Variants in TSLP observed in about 807,000 individuals in gnomAD.
The protein encoded by TSLP is thymic stroma-derived lymphopoietin.
Under a neutral mutation model 12.4 loss-of-function variants are expected in TSLP, and 12 were observed. The ratio of observed to expected loss-of-function variants is 0.97; its 90% CI spans 0.62 to 1.57. The LOEUF (loss-of-function observed/expected upper bound fraction) is 1.57. Ranked by LOEUF, TSLP falls within the 40% of genes most tolerant of loss-of-function variation. The probability of loss-of-function intolerance (pLI) is 0.00; values close to 1 mark genes in which losing one functional copy is unlikely to be tolerated. For synonymous variants in TSLP, 97 were observed against 69.5 expected, an observed-to-expected ratio of 1.40 and a Z score of -1.97; for missense variants, 222 against 189.6, an observed-to-expected ratio of 1.17 and a Z score of -1.00.
rs1275574034 is a variant in TSLP, at chr5:111,071,937, A to G, written c.47A>G (p.Lys16Arg). Residue 16 changes from lysine to arginine, a missense_variant, in exon 1 of 4, where the codon AAA becomes AGA. Physicochemically the swap from Lys to Arg is conservative, Grantham distance 26. Transcript: ENST00000344895. ...TATGTTCTGTCAGTTTCTTTCAGGAAAATCTTCATCTTACAACTTGTAGGG... is the reference window on the plus strand; with the variant it reads ...TATGTTCTGTCAGTTTCTTTCAGGAGAATCTTCATCTTACAACTTGTAGGG... ...LLYVLSVSFR[K>R]IFILQLVGLV... is the part of the protein sequence containing the mutation. 1 of 1,614,114 alleles carries G rather than the reference A, an allele frequency of 6.2e-7. No homozygotes were observed. The highest frequency in any genetic ancestry group is 1.3e-5 in the African/African-American group (1 of 74,940).
chr5:111,071,415 G>T, upstream of TSLP: 1 of 1,502,348 alleles, frequency 6.7e-7, no homozygotes, highest in Non-Finnish European at 8.9e-7. Flanking sequence ...CAAATAGAAA[G>T]GATTGGTCAC....
Position 111,076,146 on chromosome 5 carries a change from T to C in TSLP, c.*72T>C. 6.6e-7 allele frequency: 1 copy of C among 1,523,156 alleles called. No individual in the cohort carries two copies. The highest frequency in any genetic ancestry group is 9.0e-7 in the Non-Finnish European group (1 of 1,112,822). The allele number at this position is 1,523,156 out of a possible 1,614,324, so 94.4% of individuals were successfully genotyped here. On this transcript the variant is annotated 3_prime_UTR_variant, in exon 4 of 4. Transcript: ENST00000344895. The stretch of plus-strand genomic sequence containing the variant: ...TTTATTAAGTAGATGAAACATTAAC[T>C]CTAACTGTGACAAAGAAGACCACAA...
chr5:111,076,182 T>C lies in TSLP; in HGVS notation c.*108T>C. ...CAAAGAAGACCACAAATAGTTATCT[T>C]TTAATTACAGAAGAGTTTCTTAACT... On this transcript the variant is annotated 3_prime_UTR_variant, in exon 4 of 4. Transcript: ENST00000344895. The C allele has an allele frequency of 7.7e-7, 1 of 1,303,994 alleles. No individual in the cohort carries two copies. 80.8% of individuals were successfully genotyped at this position (1,303,994 alleles called of 1,614,324 possible).
intron 1 of TSLP, 108 bp from the exon 2 acceptor site, chr5:111,072,780 A>C (rs1034970647): frequency 2.5e-5 from 28 of 1,123,796 alleles, no homozygotes; most frequent in Non-Finnish European, 3.4e-5. Context: ...CCTGAGTGGA[A>C]ACTGTTTTCA....
chr5:111,073,997 C>T (rs1185368921), intron 3 of TSLP, among the ~76,000 whole-genome samples: 5 of 152,188 alleles, frequency 3.3e-5, no homozygotes, highest in Non-Finnish European at 5.9e-5. Context: ...AGACCTTCAA[C>T]ATTAAAATCT....
chr5:111,072,362 G>T lies in TSLP; in HGVS notation c.171+301G>T, dbSNP rs1160643555. On this transcript the variant is annotated intron_variant, in intron 1 of 3. Coordinates refer to ENST00000344895, the MANE Select transcript of TSLP (RefSeq NM_033035.5). Reference sequence around the variant, plus strand: ...ACTCTGACTATGCTGTAAAAAGCAGGAGGTAAGAGCTTAAGAAAGAGGAGT... The same window carrying T: ...ACTCTGACTATGCTGTAAAAAGCAGTAGGTAAGAGCTTAAGAAAGAGGAGT... Among the ~76,000 whole-genome samples the T allele has an allele frequency of 1.3e-5, 2 of 152,176 alleles. 1 individual carries two copies. Among genetic ancestry groups the T allele is most frequent in the South Asian group, 4.1e-4 (2 of 4,820 alleles).
At chr5:111,073,369 C>G (rs2289277) in intron 2 of TSLP, 142 bp from the exon 3 acceptor site, 683,391 of 1,526,974 alleles carry the variant, frequency 0.45, 156,238 homozygotes, top group South Asian at 0.66. Context: ...CTACTCAACC[C>G]TGACCTCTTC....
upstream of TSLP, chr5:111,070,962 G>C (rs1752326351): frequency 6.5e-6 from 1 of 152,680 alleles, no homozygotes; most frequent in South Asian, 2.1e-4. Context: ...AGGTGGCTGG[G>C]CGCTGGAATT....
chr5:111,076,957 T>C lies in TSLP; in HGVS notation c.*883T>C, dbSNP rs1159405177. The C allele has an allele frequency of 2.0e-5, 3 of 152,222 alleles. No individual in the cohort carries two copies. Among genetic ancestry groups the C allele is most frequent in the Admixed American group, 6.5e-5 (1 of 15,286 alleles). The allele number at this position is 152,222 out of a possible 1,614,324, so 9.4% of individuals were successfully genotyped here. A position where few individuals can be genotyped will look rare whatever the true frequency, so the allele number is the denominator to read the frequency against. On this transcript the variant is annotated 3_prime_UTR_variant, in exon 4 of 4. Coordinates refer to ENST00000344895, the MANE Select transcript of TSLP (RefSeq NM_033035.5). ...GCCTATAGGAGAGAATATTTGGAGA[T>C]AGGCAGCTTCAGGATGCATTGCAAT...
At chr5:111,070,783 T>G (rs1197313006), upstream of TSLP, 1 of 152,298 alleles carries the variant, frequency 6.6e-6, no homozygotes, top group South Asian at 2.1e-4. Context: ...TTTTCCAGTC[T>G]ACGCTGCGCG....
At chr5:111,073,029 C>T in intron 2 of TSLP, 97 bp downstream of exon 2, 6 of 1,464,854 alleles carry the variant, frequency 4.1e-6, no homozygotes, top group South Asian at 2.3e-5. Context: ...CGAGAGGTGC[C>T]TGGGCTCCGG....
At chr5:111,073,368 C>G (rs941799270) in intron 2 of TSLP, 143 bp from the exon 3 acceptor site, 8 of 1,528,584 alleles carry the variant, frequency 5.2e-6, no homozygotes, top group Non-Finnish European at 7.0e-6. Context: ...TCTACTCAAC[C>G]CTGACCTCTT....
At chr5:111,071,527 A>G (rs778763773), upstream of TSLP, 18 of 1,548,326 alleles carry the variant, frequency 1.2e-5, no homozygotes, top group South Asian at 1.9e-4. Context: ...GGTGAGGGAA[A>G]TTCCTGATGA....
At chr5:111,072,989 A>G in intron 2 of TSLP, 57 bp downstream of exon 2, 1 of 1,594,448 alleles carries the variant, frequency 6.3e-7, no homozygotes. Flanking sequence ...GGCATTTTGG[A>G]GAGGGAGTAT....
At chr5:111,072,364 G>A (rs559149374) in intron 1 of TSLP, among the ~76,000 whole-genome samples, 1 of 152,250 alleles carries the variant, frequency 6.6e-6, no homozygotes, top group East Asian at 1.9e-4. Flanking sequence ...AAAAGCAGGA[G>A]GTAAGAGCTT....
At chr5:111,072,739 A>C in intron 1 of TSLP, 149 bp from the exon 2 acceptor site, 1 of 809,918 alleles carries the variant, frequency 1.2e-6, no homozygotes, top group Non-Finnish European at 2.1e-6. Context: ...TGGCTATTTC[A>C]CTGCCTTGTC....
At chr5:111,072,739 A>G (rs532639222) in intron 1 of TSLP, 149 bp from the exon 2 acceptor site, 4 of 809,800 alleles carry the variant, frequency 4.9e-6, no homozygotes, top group Non-Finnish European at 8.4e-6. Context: ...TGGCTATTTC[A>G]CTGCCTTGTC....
rs1274967193 is a variant in TSLP, at chr5:111,076,378, C to G, written c.*304C>G. 1 of 274,884 alleles carries G rather than the reference C, an allele frequency of 3.6e-6. No homozygotes were observed. Among genetic ancestry groups the G allele is most frequent in the African/African-American group, 2.3e-5 (1 of 44,142 alleles). The allele number at this position is 274,884 out of a possible 1,614,324, so 17.0% of individuals were successfully genotyped here. A position where few individuals can be genotyped will look rare whatever the true frequency, so the allele number is the denominator to read the frequency against. ...AATCCAAAAGTGCAGCAGGAGAACTCTTTTCCCTGAAAAAGGAAAAATATT... is the reference window on the plus strand; with the variant it reads ...AATCCAAAAGTGCAGCAGGAGAACTGTTTTCCCTGAAAAAGGAAAAATATT... On this transcript the variant is annotated 3_prime_UTR_variant, in exon 4 of 4. Transcript: ENST00000344895.
chr5:111,076,165 AC>A lies in TSLP; in HGVS notation c.*93del. 7.1e-7 allele frequency: 1 copy of A among 1,409,686 alleles called. No individual in the cohort carries two copies. Among genetic ancestry groups the A allele is most frequent in the Non-Finnish European group, 9.8e-7 (1 of 1,016,664 alleles). 87.3% of individuals were successfully genotyped at this position (1,409,686 alleles called of 1,614,324 possible). A position where few individuals can be genotyped will look rare whatever the true frequency, so the allele number is the denominator to read the frequency against. On this transcript the variant is annotated 3_prime_UTR_variant, in exon 4 of 4. Coordinates refer to ENST00000344895, the MANE Select transcript of TSLP (RefSeq NM_033035.5). ...ATTAACTCTAACTGTGACAAAGAAGACCACAAATAGTTATCTTTTAATTACA... is the reference window on the plus strand; with the variant it reads ...ATTAACTCTAACTGTGACAAAGAAGACACAAATAGTTATCTTTTAATTACA...
Sources: allele counts gnomAD v4.1 joint callset (sites outside exome capture counted in the v4.1 genomes callset), GRCh38; gene constraint gnomAD v4.1.1; transcripts MANE v1.5; gene names NCBI Gene and HGNC (gene_info 2026-07-23, HGNC 2026-07-21).